The following CHD8 variants were observed in gnomAD, a reference collection of about 807,000 sequenced individuals.
The protein encoded by CHD8 is ATP-dependent chromatin remodeler CHD8.
In CHD8, 31 loss-of-function variants were observed where a neutral mutation model predicts 279.2. That is an observed-to-expected ratio of 0.11 (90% CI 0.08 to 0.15). The LOEUF is 0.15. Ranked by LOEUF, CHD8 falls within the 10% of genes least tolerant of loss-of-function variation. The pLI, the probability that CHD8 is intolerant of heterozygous loss-of-function variation, is 1.00. For missense variants in CHD8, 2,146 were observed against 3,230.5 expected (o/e 0.66, Z 8.14); for synonymous variants, 1,081 against 1,139.6 (o/e 0.95, Z 1.04).
At chr14:21,450,304 G>A (rs1890226527) in intron 1 of CHD8, among the ~76,000 whole-genome samples, 1 of 152,082 alleles carries the variant, frequency 6.6e-6, no homozygotes, top group Non-Finnish European at 1.5e-5. Flanking sequence ...GTTTCTTCCA[G>A]AACTAACCAA....
chr14:21,445,502 T>C (rs1217435177), intron 1 of CHD8, among the ~76,000 whole-genome samples: 2 of 151,468 alleles, frequency 1.3e-5, no homozygotes, highest in South Asian at 4.2e-4. Flanking sequence ...CTGGCCAACA[T>C]GGTGAAACCC....
chr14:21,402,370 T>C lies in CHD8; in HGVS notation c.3848A>G (p.Gln1283Arg). The change falls in exon 19 of 38, where the codon CAA becomes CGA. Residue 1283 changes from glutamine (Q) to arginine (R), a missense_variant. Physicochemically the swap from Gln to Arg is conservative, Grantham distance 43. This residue lies in a region of CHD8 where 35 missense variants were observed against 82.4 expected (regional missense o/e 0.42). Coordinates refer to ENST00000646647, the MANE Select transcript of CHD8 (RefSeq NM_001170629.2). The surrounding 1 kb of genome is among the most constrained non-coding windows in gnomAD (Gnocchi z 4.5). ...LKLGLDKAVL[Q>R]SMSGRDGNIT... Reference sequence around the variant, plus strand: ...GTTGCCATCCCGACCACTCATGGATTGAAGCACAGCCTTATCCAACCCCAA... The same window carrying C: ...GTTGCCATCCCGACCACTCATGGATCGAAGCACAGCCTTATCCAACCCCAA... 1 of 1,614,066 alleles carries C rather than the reference T, an allele frequency of 6.2e-7. No individual in the cohort carries two copies. Among genetic ancestry groups the C allele is most frequent in the Non-Finnish European group, 8.5e-7 (1 of 1,179,926 alleles).
Position 21,402,227 on chromosome 14 carries a change from A to G in CHD8, c.3883-91T>C. The stretch of plus-strand genomic sequence containing the variant: ...TTTAGCTATTATATTTTAAGAAATA[A>G]TAATTGAGAATCCAAACAAGGTAGT... On this transcript the variant is annotated intron_variant, in intron 19 of 37. Transcript: ENST00000646647. The surrounding 1 kb of genome is among the most constrained non-coding windows in gnomAD (Gnocchi z 4.5). 2 of 1,481,534 alleles carry G rather than the reference A, an allele frequency of 1.3e-6. No homozygotes were observed. Among genetic ancestry groups the G allele is most frequent in the East Asian group, 2.3e-5 (1 of 43,262 alleles). 91.8% of individuals were successfully genotyped at this position (1,481,534 alleles called of 1,614,324 possible). A position where few individuals can be genotyped will look rare whatever the true frequency, so the allele number is the denominator to read the frequency against.
Position 21,403,592 on chromosome 14 carries a change from C to T in CHD8, c.3379G>A (p.Ala1127Thr). Residue 1127 changes from alanine (A) to threonine (T), a missense_variant, in exon 17 of 38, where the codon GCC becomes ACC. Physicochemically the swap from Ala to Thr is moderately conservative, Grantham distance 58 (BLOSUM62 0). Transcript: ENST00000646647. The surrounding 1 kb of genome is among the most constrained non-coding windows in gnomAD (Gnocchi z 4.3). ...AGTTTGCCGGCTGAACGAACCATGG[C>T]CTGCAGGTGAAAGTCATGAGGTATA... ...HIIPHDFHLQ[A>T]MVRSAGKLVL... is the part of the protein sequence containing the mutation. 6.2e-7 allele frequency: 1 copy of T among 1,611,758 alleles called. No individual in the cohort carries two copies. Among genetic ancestry groups the T allele is most frequent in the Non-Finnish European group, 8.5e-7 (1 of 1,178,868 alleles).
chr14:21,417,174 TA>T (rs2139502890), intron 5 of CHD8, among the ~76,000 whole-genome samples: 1 of 152,352 alleles, frequency 6.6e-6, no homozygotes, highest in East Asian at 1.9e-4. Context: ...TATTTTTAAG[TA>T]AGAATTCATA....
Position 21,392,609 on chromosome 14 carries a change from G to A in CHD8, c.6669C>T (p.Ser2223=). Residue 2223 remains serine (S), a synonymous_variant, in exon 34 of 38, where the codon TCC becomes TCT. Transcript: ENST00000646647. ...CTGCAGATGCTTCCTCCTCTGCCAT[G>A]GAAGCTGCACTACTACTTCGTGGTG... The part of the protein sequence containing the change: ...VPTPRSSSAA[S]MAEEEASAVS... The A allele has an allele frequency of 6.2e-7, 1 of 1,613,952 alleles. No individual in the cohort carries two copies. The highest frequency in any genetic ancestry group is 8.5e-7 in the Non-Finnish European group (1 of 1,179,886).
At chr14:21,418,528 T>C (rs1888851127) in intron 5 of CHD8, among the ~76,000 whole-genome samples, 1 of 135,074 alleles carries the variant, frequency 7.4e-6, no homozygotes, top group African/African-American at 2.8e-5. Context: ...AAAAAATAAA[T>C]AAAATAGCCA....
intron 1 of CHD8, chr14:21,437,350 A>G (rs1158447238): frequency 6.7e-6 from 6 of 895,608 alleles, no homozygotes; most frequent in Non-Finnish European, 7.1e-6. Flanking sequence ...GACGCAAAAC[A>G]GCGCAAAGGG....
chr14:21,443,729 G>A (rs536762568), intron 1 of CHD8, among the ~76,000 whole-genome samples: 4 of 150,298 alleles, frequency 2.7e-5, no homozygotes, highest in East Asian at 2.0e-4. Context: ...GGTGGTGGGC[G>A]CCTGTATTCC....
At chr14:21,426,081 T>C (rs2139526766) in intron 5 of CHD8, 47 bp downstream of exon 5, 2 of 1,128,678 alleles carry the variant, frequency 1.8e-6, no homozygotes, top group Middle Eastern at 1.9e-4. Flanking sequence ...TGGTTAGCCA[T>C]AATTAAACAT....
chr14:21,448,406 ACT>A (rs779472582), intron 1 of CHD8, among the ~76,000 whole-genome samples: 1 of 152,152 alleles, frequency 6.6e-6, no homozygotes, highest in African/African-American at 2.4e-5. Context: ...CAAACTATTT[ACT>A]CTTTTTCCTT....
intron 5 of CHD8, among the ~76,000 whole-genome samples, chr14:21,422,884 G>A (rs1357334069): frequency 2.6e-5 from 4 of 152,126 alleles, no homozygotes; most frequent in African/African-American, 7.2e-5. Context: ...AGCCAAGATC[G>A]TGCCACCGCA....
At chr14:21,450,685 G>GA (rs35883887) in intron 1 of CHD8, among the ~76,000 whole-genome samples, 56 of 146,386 alleles carry the variant, frequency 3.8e-4, no homozygotes, top group Non-Finnish European at 6.5e-4. Flanking sequence ...CAGAAAAAAA[G>GA]AAAAAAAAAA....
intron 1 of CHD8, among the ~76,000 whole-genome samples, chr14:21,437,878 G>A (rs1275537085): frequency 2.0e-5 from 3 of 151,888 alleles, no homozygotes; most frequent in Non-Finnish European, 2.9e-5. Flanking sequence ...CCCTTAGCCC[G>A]CTCAAAACAA....
chr14:21,416,872 G>A (rs1489379945), intron 5 of CHD8, among the ~76,000 whole-genome samples: 2 of 151,944 alleles, frequency 1.3e-5, no homozygotes, highest in African/African-American at 2.4e-5. Flanking sequence ...TTGGGAGACC[G>A]AGGCAGGTGG....
rs767291411 is a variant in CHD8 at position 21,428,133 on chromosome 14, A to C, written c.1337T>G (p.Met446Arg). The change falls in exon 4 of 38, where the codon ATG becomes AGG. Residue 446 changes from methionine to arginine, a missense_variant. By Grantham distance (91) the Met-to-Arg change is moderately conservative. Around this residue, in one of 26 missense-constraint regions of CHD8, gnomAD observed 170 missense variants for 189.9 expected, o/e 0.90. Coordinates refer to ENST00000646647, the MANE Select transcript of CHD8 (RefSeq NM_001170629.2). ...SAPHSGGKTG[M>R]EENRRLEHQK... ...GTGTTCCAATCTGCGGTTTTCCTCC[A>C]TTCCTGTCTTTCCCCCCGAATGAGG... 2 of 1,613,990 alleles carry C rather than the reference A, an allele frequency of 1.2e-6. No homozygotes were observed. Among genetic ancestry groups the C allele is most frequent in the Non-Finnish European group, 1.7e-6 (2 of 1,179,904 alleles).
chr14:21,434,405 A>C (rs1253046094), intron 1 of CHD8, among the ~76,000 whole-genome samples: 1 of 152,012 alleles, frequency 6.6e-6, no homozygotes, highest in Non-Finnish European at 1.5e-5. Flanking sequence ...TATTCCATGG[A>C]GTATTTTGTC....
intron 1 of CHD8, among the ~76,000 whole-genome samples, chr14:21,451,571 CAAAAAAAAAAAAAAA>C (rs969355375): frequency 6.3e-5 from 2 of 31,634 alleles, no homozygotes; most frequent in African/African-American, 1.1e-4. Context: ...GACTCTGTCT[CAAAAAAAAAAAAAAA>C]AAAAAAAAAA....
rs1248324384 is a variant in CHD8, at chr14:21,431,096, A to C, written c.548T>G (p.Ile183Ser). The C allele has an allele frequency of 5.6e-6, 9 of 1,599,160 alleles. No homozygotes were observed. Among genetic ancestry groups the C allele is most frequent in the Non-Finnish European group, 7.6e-6 (9 of 1,179,650 alleles). The part of the protein sequence containing the change: ...AHVAQIQAQG[I>S]TSTAQPLVAG... ...CACCAGGGGCTGAGCTGTGCTGGTG[A>C]TACCTTGGGCCTGAATTTGTGCCAC... Residue 183 changes from isoleucine to serine, a missense_variant, in exon 2 of 38, where the codon ATC (isoleucine) becomes AGC (serine). By Grantham distance (142) the Ile-to-Ser change is moderately radical (BLOSUM62 -2). Around this residue, in one of 26 missense-constraint regions of CHD8, gnomAD observed 302 missense variants for 325.5 expected, o/e 0.93. Transcript: ENST00000646647.
Sources: allele counts gnomAD v4.1 joint callset (sites outside exome capture counted in the v4.1 genomes callset), GRCh38; gene constraint gnomAD v4.1.1; regional missense constraint gnomAD v4.1.1; non-coding constraint Gnocchi (gnomAD v3.1); transcripts MANE v1.5; gene names NCBI Gene and HGNC (gene_info 2026-07-23, HGNC 2026-07-21).